PSD2: variants seen among roughly 807,000 people sequenced by gnomAD.
The protein encoded by PSD2 is pleckstrin and Sec7 domain containing 2.
Under a neutral mutation model 69.8 loss-of-function variants are expected in PSD2, and 38 were observed. The observed-to-expected ratio is 0.54, with a 90% CI of 0.42 to 0.71. The LOEUF is 0.71. PSD2 is among the 30% of genes least tolerant of loss of function. The pLI is 0.00. For missense variants in PSD2, 943 were observed against 1,014.5 expected (o/e 0.93, Z 0.96); for synonymous variants, 412 against 423.0 (o/e 0.97, Z 0.32).
chr5:139,817,095 A>T (rs1760139413), intron 4 of PSD2, among the ~76,000 whole-genome samples: 1 of 152,138 alleles, frequency 6.6e-6, no homozygotes, highest in African/African-American at 2.4e-5. Flanking sequence ...TTCTGAATCA[A>T]GTCCTGGTCC....
chr5:139,756,120 G>A, the PSD2 span, among the ~76,000 whole-genome samples: 5 of 152,170 alleles, frequency 3.3e-5, no homozygotes, highest in African/African-American at 1.2e-4. Flanking sequence ...GTCGGCGGCG[G>A]CTTTGTGTGC....
chr5:139,803,647 CTCCCGGACTG>C (rs1759726275), intron 1 of PSD2, among the ~76,000 whole-genome samples: 2 of 152,248 alleles, frequency 1.3e-5, no homozygotes, highest in Non-Finnish European at 2.9e-5. Context: ...CTGACCCACT[CTCCCGGACTG>C]TCCCAGTCTG....
At chr5:139,830,612 TTC>T (rs1491487949) in intron 7 of PSD2, among the ~76,000 whole-genome samples, 1 of 94,018 alleles carries the variant, frequency 1.1e-5, no homozygotes, top group African/African-American at 5.0e-5. Flanking sequence ...TTCTTTCTCT[TTC>T]TTTCTTTCTT....
the PSD2 span, among the ~76,000 whole-genome samples, chr5:139,744,213 G>A: frequency 4.6e-5 from 7 of 152,158 alleles, no homozygotes; most frequent in Non-Finnish European, 8.8e-5. Flanking sequence ...CCATCACAGT[G>A]ATCTGTGTGG....
chr5:139,840,698 A>G (rs1185759299), intron 14 of PSD2, among the ~76,000 whole-genome samples: 1 of 151,934 alleles, frequency 6.6e-6, no homozygotes, highest in South Asian at 2.1e-4. Context: ...TTACAGGCAC[A>G]TGCCACCATG....
In PSD2 at chr5:139,842,297, CCT is replaced by C. The variant is rs748611347; in HGVS notation, c.2141_2142del (p.Leu714ProfsTer11). On this transcript the variant is annotated frameshift_variant, in exon 15 of 15. Transcript: ENST00000274710. LOFTEE classifies it high-confidence loss of function. Reference sequence around the variant, plus strand: ...AAAGCCGTTATGAGACCTATATCCACCTCCTGGCTATGAAAATCAAAGTGGGC... The same window carrying C: ...AAAGCCGTTATGAGACCTATATCCACCCTGGCTATGAAAATCAAAGTGGGC... ...EKSRYETYIH[L>X]LAMKIKVGSD... 6.2e-7 allele frequency: 1 copy of C among 1,614,208 alleles called. No individual in the cohort carries two copies. The highest frequency in any genetic ancestry group is 8.5e-7 in the Non-Finnish European group (1 of 1,180,032).
chr5:139,762,679 T>A, the PSD2 span, among the ~76,000 whole-genome samples: 1 of 152,086 alleles, frequency 6.6e-6, no homozygotes, highest in Non-Finnish European at 1.5e-5. Flanking sequence ...TTTTAGCGTG[T>A]CCAAGAGAGG....
the PSD2 span, among the ~76,000 whole-genome samples, chr5:139,769,809 C>T: frequency 6.6e-6 from 1 of 152,238 alleles, no homozygotes; most frequent in Admixed American, 6.5e-5. Context: ...AGCCACAGTC[C>T]TCCTTGGAAG....
the PSD2 span, among the ~76,000 whole-genome samples, chr5:139,753,355 C>T: frequency 6.6e-6 from 1 of 152,196 alleles, no homozygotes; most frequent in African/African-American, 2.4e-5. Flanking sequence ...TTTCATGCCC[C>T]TCCATGCTTT....
At chr5:139,796,089 G>A (rs1222352598) in intron 1 of PSD2, 114 bp downstream of exon 1, 1 of 152,040 alleles carries the variant, frequency 6.6e-6, no homozygotes, top group African/African-American at 2.4e-5. Flanking sequence ...CCTCGCCCTC[G>A]GTGCCCACCC....
chr5:139,764,256 G>T, the PSD2 span, among the ~76,000 whole-genome samples: 1 of 152,190 alleles, frequency 6.6e-6, no homozygotes. Flanking sequence ...ACTTGTCGCC[G>T]CCACAACCGC....
In PSD2 at chr5:139,838,714, G is replaced by A. The variant is rs1330458282; in HGVS notation, c.1910G>A (p.Ser637Asn). Residue 637 changes from serine to asparagine, a missense_variant, in exon 13 of 15, where the codon AGC (serine) becomes AAC (asparagine). Physicochemically the swap from Ser to Asn is conservative, Grantham distance 46. This residue lies in a region of PSD2 where 312 missense variants were observed against 400.7 expected (regional missense o/e 0.78). Transcript: ENST00000274710. ...GCCCCGGCCTTCCCAGCCGCTGTCA[G>A]CTCCATGAAGAAGTTCTGTCGGCCC... ...FSAPAFPAAV[S>N]SMKKFCRPLL... is the part of the protein sequence containing the mutation. 1.2e-6 allele frequency: 2 copies of A among 1,613,834 alleles called. No individual in the cohort carries two copies. Among genetic ancestry groups the A allele is most frequent in the African/African-American group, 2.7e-5 (2 of 74,884 alleles).
chr5:139,743,589 CAT>C, the PSD2 span: 5 of 153,130 alleles, frequency 3.3e-5, no homozygotes, highest in East Asian at 3.8e-4. Flanking sequence ...TGTGTGATCA[CAT>C]GAGTGTGTAC....
chr5:139,785,226 C>T, the PSD2 span, among the ~76,000 whole-genome samples: 1 of 147,228 alleles, frequency 6.8e-6, no homozygotes, highest in Non-Finnish European at 1.5e-5. Context: ...TCTTCCCTCC[C>T]TTCCTTCCTT....
the PSD2 span, among the ~76,000 whole-genome samples, chr5:139,748,707 G>A: frequency 6.6e-6 from 1 of 152,252 alleles, no homozygotes; most frequent in African/African-American, 2.4e-5. Context: ...TGGGAGGGAG[G>A]GGCGCTGAGC....
At position 139,837,124 on chromosome 5, in the gene PSD2, G is replaced by A; in HGVS notation, c.1595-44G>A. The A allele has an allele frequency of 6.2e-7, 1 of 1,608,342 alleles. No individual in the cohort carries two copies. On this transcript the variant is annotated intron_variant, in intron 10 of 14. Coordinates refer to ENST00000274710, the MANE Select transcript of PSD2 (RefSeq NM_032289.4). This position sits in a 1 kb window ranked among gnomAD's most constrained non-coding sequence, Gnocchi z 5.0. ...AGTGGGAGGTGGGGTTGGAGAGACT[G>A]CAGAGGGTGGCTGCAGCCACACTAC...
chr5:139,766,912 CCTTCCTTCCTTCCTTCCCTTCTT>C, the PSD2 span, among the ~76,000 whole-genome samples: 5 of 64,844 alleles, frequency 7.7e-5, no homozygotes, highest in African/African-American at 2.5e-4. Flanking sequence ...TCCCTCCCTT[CCTTCCTTCCTTCCTTCCCTTCTT>C]TCTTTCTTTC....
Position 139,814,273 on chromosome 5 carries a change from G to C in PSD2, c.925G>C (p.Gly309Arg), listed in dbSNP as rs770575129. Residue 309 changes from glycine (G) to arginine (R), a missense_variant, in exon 4 of 15, where the codon GGG becomes CGG. Gly to Arg is a moderately radical substitution (Grantham distance 125). Transcript: ENST00000274710. The surrounding 1 kb of genome is among the most constrained non-coding windows in gnomAD (Gnocchi z 4.4). ...SADPLANGCQGVSEAAHRLAR... is the reference protein window; with the variant it reads ...SADPLANGCQRVSEAAHRLAR... ...AGACCCTCTGGCCAACGGGTGCCAG[G>C]GGGTCAGTGAAGCTGCTCATCGGCT... The C allele has an allele frequency of 1.5e-5, 24 of 1,613,644 alleles. No individual in the cohort carries two copies. Among genetic ancestry groups the C allele is most frequent in the Admixed American group, 5.0e-5 (3 of 59,968 alleles).
At chr5:139,760,142 A>G in the PSD2 span, among the ~76,000 whole-genome samples, 1 of 152,228 alleles carries the variant, frequency 6.6e-6, no homozygotes, top group African/African-American at 2.4e-5. Flanking sequence ...CAGTATGGAC[A>G]GGGTTGCTGA....
Sources: gnomAD v4.1 joint callset for allele counts (sites outside exome capture counted in the v4.1 genomes callset) on GRCh38, gnomAD v4.1.1 for gene constraint, gnomAD v4.1.1 regional missense constraint, Gnocchi (gnomAD v3.1) non-coding constraint, MANE v1.5 for transcripts, NCBI Gene and HGNC (gene_info 2026-07-23, HGNC 2026-07-21) for gene names.